Variants in MTA3 observed in about 807,000 individuals in gnomAD.
MTA3 encodes the protein metastasis associated 1 family member 3.
A neutral mutation model predicts 83.5 loss-of-function variants in MTA3; 34 were observed. The ratio of observed to expected loss-of-function variants is 0.41; its 90% CI spans 0.31 to 0.54. MTA3 has a LOEUF of 0.54. Among genes scored for constraint, MTA3 ranks in the 20% least tolerant of loss-of-function variants. MTA3 has a pLI of 0.33. For missense variants in MTA3, 761 were observed against 726.4 expected, an observed-to-expected ratio of 1.05 and a Z score of -0.55; for synonymous variants, 303 against 252.7, an observed-to-expected ratio of 1.20 and a Z score of -1.89.
Position 42,568,645 on chromosome 2 carries a change from A to C in MTA3, c.-101A>C. 1.8e-6 allele frequency: 1 copy of C among 548,140 alleles called. No homozygotes were observed. The allele number at this position is 548,140 out of a possible 1,614,324, so 34.0% of individuals were successfully genotyped here. ...CCCTTCCCCCCCGTGGCGAGGCAGC[A>C]GCGACGGCGGCGGCGGCAGCGGCGG... On this transcript the variant is annotated 5_prime_UTR_variant, in exon 1 of 17. Transcript: ENST00000405094.
In MTA3 at chr2:42,755,814, G is replaced by A. The variant is rs992188149; in HGVS notation, c.*2415G>A. On this transcript the variant is annotated 3_prime_UTR_variant, in exon 17 of 17. Coordinates refer to ENST00000405094, the MANE Select transcript of MTA3 (RefSeq NM_001330442.2). The stretch of plus-strand genomic sequence containing the variant: ...GGGTGGACGTGCAGAGACTGTCTGC[G>A]CAGCCCCCAGCAGACATGCCCCTGG... 7.1e-6 allele frequency: 7 copies of A among 985,346 alleles called. No homozygotes were observed. The highest frequency in any genetic ancestry group is 6.1e-5 in the Admixed American group (1 of 16,276). 61.0% of individuals were successfully genotyped at this position (985,346 alleles called of 1,614,324 possible).
At chr2:42,561,473 C>T (rs903234778) in intron 2 of MTA3, among the ~76,000 whole-genome samples, 1 of 152,080 alleles carries the variant, frequency 6.6e-6, no homozygotes, top group African/African-American at 2.4e-5. Context: ...CAGGTGCCTG[C>T]CACCACGCCT....
At chr2:42,676,041 C>T (rs770940279) in intron 8 of MTA3, among the ~76,000 whole-genome samples, 10 of 152,164 alleles carry the variant, frequency 6.6e-5, no homozygotes, top group Non-Finnish European at 1.3e-4. Flanking sequence ...GAGCTTTACT[C>T]TCCTCTCCTT....
At chr2:42,671,420 A>G (rs1426027333) in intron 8 of MTA3, among the ~76,000 whole-genome samples, 1 of 151,750 alleles carries the variant, frequency 6.6e-6, no homozygotes, top group African/African-American at 2.4e-5. Flanking sequence ...AAAGAATGGG[A>G]ACTTAATTTT....
At chr2:42,683,869 C>T (rs1420781393) in intron 9 of MTA3, among the ~76,000 whole-genome samples, 1 of 152,184 alleles carries the variant, frequency 6.6e-6, no homozygotes, top group African/African-American at 2.4e-5. Flanking sequence ...AGTTCCTAAC[C>T]AGTCCATGAC....
intron 14 of MTA3, among the ~76,000 whole-genome samples, chr2:42,718,223 G>C (rs1020823822): frequency 2.0e-5 from 3 of 151,068 alleles, no homozygotes; most frequent in African/African-American, 7.3e-5. Flanking sequence ...AGTGCTGTCT[G>C]TATTCTCTTG....
At chr2:42,508,438 C>A (rs1432067000) in intron 2 of MTA3, among the ~76,000 whole-genome samples, 1 of 151,810 alleles carries the variant, frequency 6.6e-6, no homozygotes, top group Non-Finnish European at 1.5e-5. Flanking sequence ...CTCAAGCGAT[C>A]CTCCCACCTC....
intron 6 of MTA3, among the ~76,000 whole-genome samples, chr2:42,650,019 T>C (rs990661679): frequency 1.2e-4 from 19 of 152,354 alleles, no homozygotes; most frequent in African/African-American, 4.3e-4. Flanking sequence ...GAGAGTTTTA[T>C]CCTATTTTTT....
At position 42,697,846 on chromosome 2, in the gene MTA3, A is replaced by C. The variant is rs1021360841; in HGVS notation, c.1025+12A>C. On this transcript the variant is annotated intron_variant, in intron 11 of 16. Transcript: ENST00000405094. ...TATATCCCAACCTAGTAAGTAATTG[A>C]AATCTTTTAAAATATTTGTTTTGGT... The C allele has an allele frequency of 2.7e-6, 4 of 1,475,810 alleles. No individual in the cohort carries two copies. Among genetic ancestry groups the C allele is most frequent in the African/African-American group, 2.8e-5 (2 of 70,318 alleles). The allele number at this position is 1,475,810 out of a possible 1,614,324, so 91.4% of individuals were successfully genotyped here.
At chr2:42,645,523 TAAAA>T (rs1253762328) in intron 6 of MTA3, among the ~76,000 whole-genome samples, 1 of 103,956 alleles carries the variant, frequency 9.6e-6, no homozygotes, top group Non-Finnish European at 1.9e-5. Context: ...AGACTTTGTC[TAAAA>T]AACAAACAAA....
intron 2 of MTA3, among the ~76,000 whole-genome samples, chr2:42,535,961 T>G (rs373156456): frequency 2.4e-4 from 35 of 145,440 alleles, no homozygotes; most frequent in African/African-American, 7.4e-4. Context: ...TCTACAAAAA[T>G]ATTAAAAAAT....
At chr2:42,557,111 C>T (rs1050511771) in intron 2 of MTA3, among the ~76,000 whole-genome samples, 1 of 152,032 alleles carries the variant, frequency 6.6e-6, no homozygotes, top group Non-Finnish European at 1.5e-5. Flanking sequence ...GGTGAGGTGG[C>T]TCACGCCTGT....
chr2:42,658,071 CAAAAAAAAAAAAAAAAAA>C (rs59628946), intron 7 of MTA3, among the ~76,000 whole-genome samples: 7 of 51,916 alleles, frequency 1.3e-4, no homozygotes, highest in South Asian at 1.2e-3. Context: ...GACTCTGTCT[CAAAAAAAAAAAAAAAAAA>C]AAAAAAAAAA....
At chr2:42,652,329 G>A (rs1172791232) in intron 6 of MTA3, among the ~76,000 whole-genome samples, 2 of 152,004 alleles carry the variant, frequency 1.3e-5, no homozygotes, top group African/African-American at 4.8e-5. Flanking sequence ...TTGCATTTGC[G>A]GTTTACTTCA....
chr2:42,686,161 G>T (rs1346687148), intron 9 of MTA3, among the ~76,000 whole-genome samples: 5 of 152,270 alleles, frequency 3.3e-5, no homozygotes, highest in African/African-American at 1.2e-4. Flanking sequence ...TGCTTCCAGT[G>T]TCTTAGTTTT....
At position 42,695,954 on chromosome 2, in the gene MTA3, G is replaced by T. The variant is rs562192596; in HGVS notation, c.966+115G>T. On this transcript the variant is annotated intron_variant, in intron 10 of 16. Transcript: ENST00000405094. Reference sequence around the variant, plus strand: ...AAATTTGTTTACCTTACTTTTTCCAGACTACTTTAAACTACATGATTTCAT... The same window carrying T: ...AAATTTGTTTACCTTACTTTTTCCATACTACTTTAAACTACATGATTTCAT... 34 of 639,218 alleles carry T rather than the reference G, an allele frequency of 5.3e-5. 1 individual carries two copies. The highest frequency in any genetic ancestry group is 5.2e-4 in the African/African-American group (28 of 53,426). The allele number at this position is 639,218 out of a possible 1,614,324, so 39.6% of individuals were successfully genotyped here.
chr2:42,640,327 A>C, intron 5 of MTA3, 91 bp downstream of exon 5: 5 of 891,372 alleles, frequency 5.6e-6, no homozygotes, highest in Non-Finnish European at 8.5e-6. Flanking sequence ...GTACAAAAGT[A>C]TTATTCCACC....
chr2:42,589,114 G>A (rs1405574763), intron 3 of MTA3, among the ~76,000 whole-genome samples: 1 of 152,096 alleles, frequency 6.6e-6, no homozygotes, highest in Non-Finnish European at 1.5e-5. Flanking sequence ...TTGATTGAAT[G>A]ACTAGGTACT....
At chr2:42,675,167 C>T (rs939593489) in intron 8 of MTA3, among the ~76,000 whole-genome samples, 1 of 151,762 alleles carries the variant, frequency 6.6e-6, no homozygotes, top group African/African-American at 2.4e-5. Context: ...GACGAGGTCT[C>T]ACTCTGTCAC....
Sources: allele counts gnomAD v4.1 joint callset (sites outside exome capture counted in the v4.1 genomes callset), GRCh38; gene constraint gnomAD v4.1.1; transcripts MANE v1.5; gene names NCBI Gene and HGNC (gene_info 2026-07-23, HGNC 2026-07-21).